CBFA2T3: variants seen among roughly 807,000 people sequenced by gnomAD.
The protein encoded by CBFA2T3 is transcriptional corepressor CBFA2T3.
CBFA2T3 carries 31 observed loss-of-function variants against 58.6 expected under a neutral mutation model. The observed-to-expected ratio is 0.53, with a 90% CI of 0.40 to 0.71. The LOEUF (loss-of-function observed/expected upper bound fraction) is 0.71, where lower values mean the gene tolerates loss of function less well. CBFA2T3 is among the 30% of genes least tolerant of loss of function. CBFA2T3 has a pLI of 0.00. For missense variants in CBFA2T3, 1,076 were observed against 963.1 expected (o/e 1.12, Z -1.55); for synonymous variants, 531 against 421.9 (o/e 1.26, Z -3.17).
chr16:88,880,594 A>C, intron 10 of CBFA2T3, 126 bp downstream of exon 10: 1 of 781,582 alleles, frequency 1.3e-6, no homozygotes, highest in Non-Finnish European at 2.1e-6. Context: ...AGCGGAATGC[A>C]GAAAGCCTTG....
At position 88,875,181 on chromosome 16, in the gene CBFA2T3, G is replaced by T. The variant is rs185051153; in HGVS notation, c.*1795C>A. 7.6e-4 allele frequency: 178 copies of T among 234,738 alleles called. 3 individuals are homozygous for T. The East Asian group carries it at 0.011, about 14-fold the overall frequency. 14.5% of individuals were successfully genotyped at this position (234,738 alleles called of 1,614,324 possible). A position where few individuals can be genotyped will look rare whatever the true frequency, so the allele number is the denominator to read the frequency against. On this transcript the variant is annotated 3_prime_UTR_variant, in exon 12 of 12. Transcript: ENST00000268679. ...GATGCCAGGCCACGGGCCACACCAC[G>T]CACACAGATGCCAAGCCACGGGCCA...
chr16:88,887,228 G>C (rs909588340), intron 5 of CBFA2T3: 1 of 152,300 alleles, frequency 6.6e-6, no homozygotes, highest in African/African-American at 2.4e-5. Flanking sequence ...AGCAGTGCCG[G>C]CTGCCGGCCT....
At chr16:88,914,708 G>A (rs927153885) in intron 1 of CBFA2T3, among the ~76,000 whole-genome samples, 7 of 152,214 alleles carry the variant, frequency 4.6e-5, no homozygotes, top group African/African-American at 1.7e-4. Flanking sequence ...CAGTGCCCAG[G>A]GCCTGGTCTT....
chr16:88,924,242 C>T (rs1433438357), intron 1 of CBFA2T3, among the ~76,000 whole-genome samples: 6 of 152,220 alleles, frequency 3.9e-5, no homozygotes, highest in Admixed American at 2.6e-4. Context: ...CTCTGGGCCC[C>T]GCCTTCCTTG....
At chr16:88,892,156 C>A in intron 4 of CBFA2T3, 88 bp downstream of exon 4, 2 of 1,494,532 alleles carry the variant, frequency 1.3e-6, no homozygotes, top group South Asian at 1.2e-5. Flanking sequence ...CAGCGTGGAG[C>A]CCATGTAAGG....
chr16:88,903,698 G>C (rs1970193287), intron 1 of CBFA2T3, among the ~76,000 whole-genome samples: 1 of 135,936 alleles, frequency 7.4e-6, no homozygotes, highest in Non-Finnish European at 1.6e-5. Flanking sequence ...TCCTGGGGGG[G>C]GCGTTCCTGG....
At chr16:88,927,976 G>A (rs907012155) in intron 1 of CBFA2T3, among the ~76,000 whole-genome samples, 1 of 152,196 alleles carries the variant, frequency 6.6e-6, no homozygotes, top group African/African-American at 2.4e-5. Flanking sequence ...CCGCAGGGAG[G>A]GCCTCACGGA....
chr16:88,894,475 C>T (rs560665948), intron 3 of CBFA2T3, among the ~76,000 whole-genome samples: 2 of 123,480 alleles, frequency 1.6e-5, no homozygotes, highest in South Asian at 4.9e-4. Context: ...TACATATACA[C>T]ATGCACACAA....
At position 88,917,941 on chromosome 16, in the gene CBFA2T3, A is replaced by C. The variant is rs535255785; in HGVS notation, c.152-16285T>G. Among the ~76,000 whole-genome samples, 147 of 152,272 alleles carry C rather than the reference A, an allele frequency of 9.7e-4. 1 individual carries two copies. The highest frequency in any genetic ancestry group is 3.4e-3 in the African/African-American group (143 of 41,548). On this transcript the variant is annotated intron_variant, in intron 1 of 11. Coordinates refer to ENST00000268679, the MANE Select transcript of CBFA2T3 (RefSeq NM_005187.6). The stretch of plus-strand genomic sequence containing the variant: ...CCGGGGTGCGTGGAGGGACCCCAGG[A>C]GACGGTGCAGGCGAAACCCACAAAT...
intron 1 of CBFA2T3, among the ~76,000 whole-genome samples, chr16:88,961,511 G>C (rs959826592): frequency 6.7e-6 from 1 of 149,054 alleles, no homozygotes; most frequent in African/African-American, 2.5e-5. Context: ...CTCAGCGCTG[G>C]ACATTCCCAC....
intron 1 of CBFA2T3, among the ~76,000 whole-genome samples, chr16:88,932,950 C>A (rs1971364773): frequency 6.6e-6 from 1 of 151,786 alleles, no homozygotes. Context: ...GCCTGGGCGA[C>A]AGAGTGAGAT....
chr16:88,901,405 G>A (rs369623154), intron 2 of CBFA2T3, 99 bp downstream of exon 2: 2 of 598,404 alleles, frequency 3.3e-6, no homozygotes, highest in African/African-American at 2.0e-5. Context: ...GCTCACAGAA[G>A]GTGCCCGCTG....
intron 1 of CBFA2T3, among the ~76,000 whole-genome samples, chr16:88,932,282 A>C (rs1448606897): frequency 1.4e-5 from 2 of 143,412 alleles, no homozygotes; most frequent in Non-Finnish European, 3.0e-5. Flanking sequence ...CCCGGAAAAC[A>C]GGCAGAGCAC....
intron 1 of CBFA2T3, among the ~76,000 whole-genome samples, chr16:88,967,147 C>A (rs78067279): frequency 0.014 from 1,508 of 107,514 alleles, 34 homozygotes; most frequent in Middle Eastern, 0.031. Context: ...CCCCGACACG[C>A]GGCAGCACCA....
chr16:88,908,543 C>A (rs1194225245), intron 1 of CBFA2T3, among the ~76,000 whole-genome samples: 1 of 152,108 alleles, frequency 6.6e-6, no homozygotes, highest in East Asian at 1.9e-4. Context: ...GGCCGCTCAT[C>A]CATCACTTCC....
chr16:88,944,635 A>ACCCACAT (rs1218704195), intron 1 of CBFA2T3, among the ~76,000 whole-genome samples: 1 of 152,176 alleles, frequency 6.6e-6, no homozygotes, highest in African/African-American at 2.4e-5. Context: ...AAAGGGCAGC[A>ACCCACAT]CCCACATCTG....
At chr16:88,934,770 C>T (rs942882361) in intron 1 of CBFA2T3, among the ~76,000 whole-genome samples, 7 of 152,226 alleles carry the variant, frequency 4.6e-5, no homozygotes, top group Admixed American at 3.3e-4. Context: ...GACGGAGTCT[C>T]GCTCTGTCGC....
chr16:88,881,019 G>C (rs1969048134), intron 9 of CBFA2T3: 5 of 694,940 alleles, frequency 7.2e-6, no homozygotes, highest in Non-Finnish European at 1.3e-5. Context: ...TGTGTGTCCT[G>C]GGCCTCTCCT....
intron 1 of CBFA2T3, among the ~76,000 whole-genome samples, chr16:88,962,199 C>T (rs1254150670): frequency 1.3e-5 from 2 of 152,140 alleles, no homozygotes; most frequent in African/African-American, 2.4e-5. Context: ...CCATAGTAAC[C>T]GACCCTCAGC....
Sources: gnomAD v4.1 joint callset for allele counts (sites outside exome capture counted in the v4.1 genomes callset) on GRCh38, gnomAD v4.1.1 for gene constraint, MANE v1.5 for transcripts, NCBI Gene and HGNC (gene_info 2026-07-23, HGNC 2026-07-21) for gene names.